The following C1QTNF3 variants were observed in gnomAD, a reference collection of about 807,000 sequenced individuals.
C1QTNF3 encodes the protein complement C1q tumor necrosis factor-related protein 3.
A neutral mutation model predicts 32.6 loss-of-function variants in C1QTNF3; 26 were observed. That is an observed-to-expected ratio of 0.80 (90% CI 0.58 to 1.11). C1QTNF3 has a LOEUF of 1.11. C1QTNF3 is among the 50% of genes least tolerant of loss of function. The pLI, the probability that C1QTNF3 is intolerant of heterozygous loss-of-function variation, is 0.00. For missense variants in C1QTNF3, 362 were observed against 398.2 expected (o/e 0.91, Z 0.77); for synonymous variants, 155 against 146.0 (o/e 1.06, Z -0.44).
chr5:34,186,239 G>A, the C1QTNF3 span, among the ~76,000 whole-genome samples: 18 of 152,040 alleles, frequency 1.2e-4, no homozygotes, highest in African/African-American at 4.1e-4. Flanking sequence ...ACATTCTCAG[G>A]TAGTCCACTG....
chr5:34,121,566 C>T, the C1QTNF3 span, among the ~76,000 whole-genome samples: 1 of 152,190 alleles, frequency 6.6e-6, no homozygotes, highest in South Asian at 2.1e-4. Flanking sequence ...TTCAAATGAT[C>T]TCCCACCAGC....
chr5:34,114,304 A>C, the C1QTNF3 span, among the ~76,000 whole-genome samples: 1 of 152,296 alleles, frequency 6.6e-6, no homozygotes, highest in Admixed American at 6.5e-5. Flanking sequence ...AAGTCAAATA[A>C]GTAGCCTCAA....
the C1QTNF3 span, among the ~76,000 whole-genome samples, chr5:34,181,946 G>A: frequency 1.3e-5 from 2 of 152,336 alleles, no homozygotes; most frequent in South Asian, 4.2e-4. Flanking sequence ...ACTTTGGGAG[G>A]CTAAGGCAGG....
At chr5:34,044,973 C>T (rs762697678), upstream of C1QTNF3, among the ~76,000 whole-genome samples, 6 of 152,152 alleles carry the variant, frequency 3.9e-5, no homozygotes, top group Non-Finnish European at 7.4e-5. Context: ...AGGATGGCGC[C>T]TGTGTTTGGA....
At chr5:34,051,662 G>A in the C1QTNF3 span, among the ~76,000 whole-genome samples, 1 of 152,318 alleles carries the variant, frequency 6.6e-6, no homozygotes, top group African/African-American at 2.4e-5. Context: ...TTCCTGAGAA[G>A]GCAGGGTACT....
chr5:34,042,694 A>G (rs1754900478), intron 1 of C1QTNF3, 129 bp downstream of exon 1: 1 of 856,744 alleles, frequency 1.2e-6, no homozygotes, highest in Non-Finnish European at 1.8e-6. Context: ...ATTCACAAGC[A>G]GCTTAGCGAA....
At chr5:34,226,513 T>C in the C1QTNF3 span, among the ~76,000 whole-genome samples, 2 of 151,740 alleles carry the variant, frequency 1.3e-5, no homozygotes, top group African/African-American at 2.4e-5. Flanking sequence ...ATAGTGTCAC[T>C]AGATCTAGAG....
the C1QTNF3 span, among the ~76,000 whole-genome samples, chr5:34,177,593 T>C: frequency 6.6e-6 from 1 of 151,278 alleles, no homozygotes; most frequent in African/African-American, 2.4e-5. Flanking sequence ...TTCAAGCGAT[T>C]CTCCTGCTTT....
the C1QTNF3 span, among the ~76,000 whole-genome samples, chr5:34,123,487 C>G: frequency 2.6e-5 from 4 of 152,032 alleles, no homozygotes; most frequent in Non-Finnish European, 5.9e-5. Flanking sequence ...TAGATTAAAA[C>G]AGGCTCTTTT....
upstream of C1QTNF3, among the ~76,000 whole-genome samples, chr5:34,047,119 C>CA (rs1333663850): frequency 6.6e-6 from 1 of 152,208 alleles, no homozygotes; most frequent in Non-Finnish European, 1.5e-5. Flanking sequence ...CAGGCAACCT[C>CA]CCTGGAGGTG....
chr5:34,045,826 G>T (rs9292521), upstream of C1QTNF3, among the ~76,000 whole-genome samples: 1 of 151,888 alleles, frequency 6.6e-6, no homozygotes. Flanking sequence ...AGAGCTGCCA[G>T]GGAGCCTGCC....
the C1QTNF3 span, among the ~76,000 whole-genome samples, chr5:34,084,336 T>G: frequency 2.0e-5 from 3 of 151,778 alleles, no homozygotes; most frequent in African/African-American, 7.3e-5. Flanking sequence ...TTAGGAAAGT[T>G]TGTATATTGA....
chr5:34,211,201 T>C, the C1QTNF3 span, among the ~76,000 whole-genome samples: 4 of 151,836 alleles, frequency 2.6e-5, no homozygotes, highest in African/African-American at 9.7e-5. Flanking sequence ...TTTAAAAAAG[T>C]AAATGTTATA....
chr5:34,222,387 G>A, the C1QTNF3 span, among the ~76,000 whole-genome samples: 5 of 151,570 alleles, frequency 3.3e-5, no homozygotes, highest in Non-Finnish European at 7.4e-5. Context: ...AATAATAATG[G>A]AGTTTCTTTG....
the C1QTNF3 span, among the ~76,000 whole-genome samples, chr5:34,220,554 C>A: frequency 3.3e-5 from 5 of 151,870 alleles, no homozygotes; most frequent in African/African-American, 1.2e-4. Context: ...CACACGACTG[C>A]ATTGAAATAC....
the C1QTNF3 span, among the ~76,000 whole-genome samples, chr5:34,217,820 T>A: frequency 6.6e-6 from 1 of 152,116 alleles, no homozygotes; most frequent in Admixed American, 6.6e-5. Context: ...AATAGCAACA[T>A]TAAAAATTAC....
chr5:34,203,425 C>T, the C1QTNF3 span, among the ~76,000 whole-genome samples: 3 of 152,184 alleles, frequency 2.0e-5, no homozygotes, highest in Admixed American at 6.5e-5. Flanking sequence ...CAGTTGCTCA[C>T]ACCTGTAATC....
At chr5:34,168,622 CTT>C in the C1QTNF3 span, 78 of 151,888 alleles carry the variant, frequency 5.1e-4, no homozygotes, top group African/African-American at 1.8e-3. Context: ...CCTCACTATG[CTT>C]TGTCATTGGC....
At chr5:34,076,646 T>C in the C1QTNF3 span, among the ~76,000 whole-genome samples, 1 of 151,668 alleles carries the variant, frequency 6.6e-6, no homozygotes, top group African/African-American at 2.4e-5. Context: ...ACATGTATGT[T>C]CAGAAAAACA....
Sources: allele counts gnomAD v4.1 joint callset (sites outside exome capture counted in the v4.1 genomes callset), GRCh38; gene constraint gnomAD v4.1.1; transcripts MANE v1.5; gene names NCBI Gene and HGNC (gene_info 2026-07-23, HGNC 2026-07-21).